The following SHISA9 variants were observed in gnomAD, a reference collection of about 807,000 sequenced individuals.
SHISA9 encodes the protein shisa family member 9, also known as protein shisa-9.
SHISA9 carries 13 observed loss-of-function variants against 38.0 expected under a neutral mutation model. The observed-to-expected ratio is 0.34, with a 90% CI of 0.22 to 0.54. The LOEUF (loss-of-function observed/expected upper bound fraction) is 0.54. SHISA9 is among the 20% of genes least tolerant of loss of function. The pLI, the probability that SHISA9 is intolerant of heterozygous loss-of-function variation, is 0.91. For synonymous variants in SHISA9, 275 were observed against 242.0 expected, an observed-to-expected ratio of 1.14 and a Z score of -1.27; for missense variants, 538 against 575.8, an observed-to-expected ratio of 0.93 and a Z score of 0.67.
chr16:13,550,365 C>T, the SHISA9 span, among the ~76,000 whole-genome samples: 2 of 152,202 alleles, frequency 1.3e-5, no homozygotes, highest in Non-Finnish European at 2.9e-5. Context: ...TGCCTCGCCA[C>T]CTCAAACCTT....
the SHISA9 span, among the ~76,000 whole-genome samples, chr16:13,500,222 C>T: frequency 6.6e-6 from 1 of 152,004 alleles, no homozygotes; most frequent in Non-Finnish European, 1.5e-5. Context: ...GCTCACTTTT[C>T]TCTCTCTTGC....
At chr16:12,964,797 C>G (rs756058336) in intron 2 of SHISA9, among the ~76,000 whole-genome samples, 5 of 152,162 alleles carry the variant, frequency 3.3e-5, no homozygotes, top group Non-Finnish European at 7.3e-5. Flanking sequence ...TCTTGTTTCC[C>G]TCCACAGTAA....
intron 2 of SHISA9, among the ~76,000 whole-genome samples, chr16:13,161,374 C>T (rs2050593911): frequency 1.3e-5 from 2 of 152,266 alleles, no homozygotes; most frequent in South Asian, 2.1e-4. Flanking sequence ...TGGACCCTAA[C>T]ACGTCCTCAC....
At chr16:13,140,634 C>G (rs897418592) in intron 2 of SHISA9, among the ~76,000 whole-genome samples, 1 of 152,210 alleles carries the variant, frequency 6.6e-6, no homozygotes, top group African/African-American at 2.4e-5. Flanking sequence ...AGGGATACAT[C>G]AGACACTATC....
intron 2 of SHISA9, among the ~76,000 whole-genome samples, chr16:13,113,412 C>A (rs1293292535): frequency 1.3e-5 from 2 of 152,024 alleles, no homozygotes; most frequent in East Asian, 3.9e-4. Context: ...ATCACGTATT[C>A]CAGGGAGTGT....
At chr16:12,942,157 G>A (rs956613492) in intron 2 of SHISA9, among the ~76,000 whole-genome samples, 1 of 152,224 alleles carries the variant, frequency 6.6e-6, no homozygotes, top group African/African-American at 2.4e-5. Context: ...GTGGAGGACA[G>A]TTCTTGACAT....
At chr16:13,041,921 G>A (rs1244961104) in intron 2 of SHISA9, among the ~76,000 whole-genome samples, 6 of 152,156 alleles carry the variant, frequency 3.9e-5, no homozygotes, top group African/African-American at 1.2e-4. Context: ...GAGTACCATC[G>A]AATCATCAAA....
the SHISA9 span, among the ~76,000 whole-genome samples, chr16:13,493,681 C>T: frequency 6.9e-6 from 1 of 145,846 alleles, no homozygotes; most frequent in African/African-American, 2.5e-5. Flanking sequence ...ATGCTTATTG[C>T]AACCTGAGAG....
At chr16:13,053,016 T>G (rs2073270384) in intron 2 of SHISA9, among the ~76,000 whole-genome samples, 2 of 142,942 alleles carry the variant, frequency 1.4e-5, no homozygotes, top group Admixed American at 7.4e-5. Flanking sequence ...CAGGCTGGAG[T>G]GCAGTGGCAT....
intron 2 of SHISA9, among the ~76,000 whole-genome samples, chr16:13,090,739 G>T (rs1010559031): frequency 6.6e-6 from 1 of 152,136 alleles, no homozygotes; most frequent in African/African-American, 2.4e-5. Flanking sequence ...ACACAGATGG[G>T]TCTTGATTCT....
the SHISA9 span, among the ~76,000 whole-genome samples, chr16:13,407,066 C>G: frequency 3.4e-5 from 3 of 87,318 alleles, no homozygotes; most frequent in African/African-American, 1.1e-4. Context: ...GAAACTCTGT[C>G]TCACAAAAAA....
the SHISA9 span, among the ~76,000 whole-genome samples, chr16:13,348,774 T>A: frequency 8.1e-3 from 1,228 of 152,058 alleles, 20 homozygotes; most frequent in African/African-American, 0.029. Flanking sequence ...CGATCTGCAT[T>A]TGTAGATTGA....
At chr16:13,491,726 G>C in the SHISA9 span, among the ~76,000 whole-genome samples, 1 of 144,636 alleles carries the variant, frequency 6.9e-6, no homozygotes, top group African/African-American at 2.6e-5. Context: ...CTGATCTCAA[G>C]AGATCCACCC....
chr16:13,505,851 C>G, the SHISA9 span, among the ~76,000 whole-genome samples: 2 of 152,178 alleles, frequency 1.3e-5, no homozygotes, highest in Non-Finnish European at 2.9e-5. Flanking sequence ...CCCCCCATGT[C>G]TTTGGGCAGG....
At chr16:12,970,425 A>ATGTGTGTG (rs1237750789) in intron 2 of SHISA9, among the ~76,000 whole-genome samples, 1 of 63,864 alleles carries the variant, frequency 1.6e-5, no homozygotes, top group Non-Finnish European at 3.0e-5. Flanking sequence ...ATACACATAT[A>ATGTGTGTG]TGTATATATA....
intron 2 of SHISA9, among the ~76,000 whole-genome samples, chr16:13,006,080 G>A (rs550423939): frequency 2.6e-5 from 4 of 152,264 alleles, no homozygotes; most frequent in African/African-American, 2.4e-5. Flanking sequence ...ACACACACGC[G>A]CACACTCTGA....
the SHISA9 span, among the ~76,000 whole-genome samples, chr16:13,254,196 A>T: frequency 6.6e-6 from 1 of 152,200 alleles, no homozygotes; most frequent in African/African-American, 2.4e-5. Flanking sequence ...TTGTCTTCAC[A>T]CAAATCATAT....
At chr16:13,284,655 C>CA in the SHISA9 span, among the ~76,000 whole-genome samples, 2 of 152,154 alleles carry the variant, frequency 1.3e-5, no homozygotes, top group African/African-American at 4.8e-5. Flanking sequence ...TCGAATGCAG[C>CA]AGTGCAATCT....
intron 2 of SHISA9, among the ~76,000 whole-genome samples, chr16:12,992,709 T>C (rs1048652501): frequency 6.6e-6 from 1 of 152,198 alleles, no homozygotes; most frequent in Non-Finnish European, 1.5e-5. Context: ...GTTTTCTTCC[T>C]CACTTTTGTA....
Sources: gnomAD v4.1 joint callset for allele counts (sites outside exome capture counted in the v4.1 genomes callset) on GRCh38, gnomAD v4.1.1 for gene constraint, MANE v1.5 for transcripts, NCBI Gene and HGNC (gene_info 2026-07-23, HGNC 2026-07-21) for gene names.